DLGAP2: variants seen among roughly 807,000 people sequenced by gnomAD.
DLGAP2 encodes the protein DLG associated protein 2, also known as disks large-associated protein 2.
In DLGAP2, 26 loss-of-function variants were observed where a neutral mutation model predicts 100.3. That is an observed-to-expected ratio of 0.26 (90% CI 0.19 to 0.36). DLGAP2 has a LOEUF of 0.36. Among genes scored for constraint, DLGAP2 ranks in the 10% least tolerant of loss-of-function variants. DLGAP2 has a pLI of 1.00. For missense variants in DLGAP2, 1,858 were observed against 1,453.2 expected, an observed-to-expected ratio of 1.28 and a Z score of -4.53; for synonymous variants, 886 against 630.1, an observed-to-expected ratio of 1.41 and a Z score of -6.08.
intron 2 of DLGAP2, among the ~76,000 whole-genome samples, chr8:1,196,754 T>C (rs765946895): frequency 2.0e-5 from 3 of 152,206 alleles, no homozygotes; most frequent in Non-Finnish European, 4.4e-5. Flanking sequence ...TAGGAGCCTG[T>C]GCCTCCTGGC....
chr8:1,237,170 C>T (rs1235129882), intron 2 of DLGAP2, among the ~76,000 whole-genome samples: 17 of 133,168 alleles, frequency 1.3e-4, no homozygotes, highest in African/African-American at 5.8e-4. Context: ...GTGTCTAGTT[C>T]TCTCACATGG....
At chr8:1,430,052 A>T (rs568863065) in intron 3 of DLGAP2, among the ~76,000 whole-genome samples, 5 of 134,294 alleles carry the variant, frequency 3.7e-5, no homozygotes, top group African/African-American at 1.3e-4. Context: ...ATGAACTTAG[A>T]ATTCATTTTT....
At chr8:1,162,061 G>T (rs1216665210) in intron 2 of DLGAP2, among the ~76,000 whole-genome samples, 1 of 152,216 alleles carries the variant, frequency 6.6e-6, no homozygotes, top group Non-Finnish European at 1.5e-5. Context: ...GCCTGCGTTT[G>T]CAGCAGAAGT....
In DLGAP2 at chr8:1,705,046, C is replaced by A. The variant is rs1392802283; in HGVS notation, c.*3640C>A. ...TCTGTTTTTGTTAGATCCTTGTAAG[C>A]ATCGCTACCCGAGTCCAGGATGGAA... is the stretch of plus-strand genomic sequence containing the variant. On this transcript the variant is annotated 3_prime_UTR_variant, in exon 15 of 15. Coordinates refer to ENST00000637795, the MANE Select transcript of DLGAP2 (RefSeq NM_001346810.2). 1 of 152,274 alleles carries A rather than the reference C, an allele frequency of 6.6e-6. No homozygotes were observed. Among genetic ancestry groups the A allele is most frequent in the Non-Finnish European group, 1.5e-5 (1 of 68,056 alleles). The allele number at this position is 152,274 out of a possible 1,614,324, so 9.4% of individuals were successfully genotyped here.
intron 1 of DLGAP2, among the ~76,000 whole-genome samples, chr8:786,639 C>T (rs1012535490): frequency 9.9e-5 from 15 of 152,064 alleles, no homozygotes; most frequent in African/African-American, 3.1e-4. Context: ...GGCGCTGCCT[C>T]GGTGGTGCCT....
chr8:1,434,120 G>A (rs759852553), intron 3 of DLGAP2, among the ~76,000 whole-genome samples: 4 of 152,272 alleles, frequency 2.6e-5, no homozygotes, highest in South Asian at 2.1e-4. Context: ...GCATGGAGAC[G>A]TGGCCGCAGG....
At chr8:778,852 G>T (rs1229060496) in intron 1 of DLGAP2, among the ~76,000 whole-genome samples, 3 of 152,242 alleles carry the variant, frequency 2.0e-5, no homozygotes, top group African/African-American at 7.2e-5. Flanking sequence ...GCCTCCTTGA[G>T]CTGTGGTGGG....
intron 2 of DLGAP2, among the ~76,000 whole-genome samples, chr8:1,109,085 G>T (rs1298796640): frequency 7.9e-6 from 1 of 126,846 alleles, no homozygotes. Flanking sequence ...AGGTGTGCAC[G>T]GGTCTGTGAG....
intron 2 of DLGAP2, among the ~76,000 whole-genome samples, chr8:1,167,283 A>G (rs1797035241): frequency 6.6e-6 from 1 of 152,222 alleles, no homozygotes; most frequent in Non-Finnish European, 1.5e-5. Context: ...ACCCTCAACC[A>G]CAGCAACTTC....
At chr8:1,662,781 T>TGTGC (rs1798438341) in intron 8 of DLGAP2, among the ~76,000 whole-genome samples, 1 of 151,960 alleles carries the variant, frequency 6.6e-6, no homozygotes, top group African/African-American at 2.4e-5. Flanking sequence ...GTGGGGTGTG[T>TGTGC]GTGTACACAC....
intron 3 of DLGAP2, among the ~76,000 whole-genome samples, chr8:1,500,964 G>A (rs893192691): frequency 1.3e-5 from 2 of 152,158 alleles, no homozygotes; most frequent in Non-Finnish European, 2.9e-5. Flanking sequence ...CTTTCTCATG[G>A]GCGATGCAGG....
intron 2 of DLGAP2, among the ~76,000 whole-genome samples, chr8:1,069,339 C>T (rs59361544): frequency 0.032 from 4,893 of 152,160 alleles, 248 homozygotes; most frequent in African/African-American, 0.11. Flanking sequence ...ACCTGCGGCC[C>T]GTGGACAGGT....
At chr8:1,270,851 A>T (rs1300685666) in intron 3 of DLGAP2, among the ~76,000 whole-genome samples, 1 of 151,560 alleles carries the variant, frequency 6.6e-6, no homozygotes, top group Non-Finnish European at 1.5e-5. Context: ...TACAGAGTGA[A>T]ACCTCTGCTG....
intron 3 of DLGAP2, among the ~76,000 whole-genome samples, chr8:1,316,473 T>C (rs558323150): frequency 1.3e-4 from 17 of 129,250 alleles, no homozygotes; most frequent in Admixed American, 5.5e-4. Context: ...CTTTTAAAAA[T>C]AGAGCGTGTG....
At chr8:1,574,031 C>A (rs2130614766) in intron 6 of DLGAP2, among the ~76,000 whole-genome samples, 2 of 152,284 alleles carry the variant, frequency 1.3e-5, no homozygotes, top group South Asian at 4.1e-4. Context: ...CCTGCAGACT[C>A]ACATTTGCAT....
chr8:1,621,629 C>T (rs1797339939), intron 6 of DLGAP2: 1 of 152,144 alleles, frequency 6.6e-6, no homozygotes, highest in Non-Finnish European at 1.5e-5. Flanking sequence ...TGAGCAGGTG[C>T]TCCATAGACT....
intron 6 of DLGAP2, among the ~76,000 whole-genome samples, chr8:1,576,685 C>T (rs1044648313): frequency 3.3e-5 from 5 of 152,136 alleles, no homozygotes; most frequent in African/African-American, 1.2e-4. Context: ...CTACGTATGG[C>T]TAGCCAGTTT....
chr8:795,160 C>T (rs1795997730), intron 1 of DLGAP2, among the ~76,000 whole-genome samples: 1 of 152,200 alleles, frequency 6.6e-6, no homozygotes, highest in South Asian at 2.1e-4. Context: ...TGTGAAGTCA[C>T]CGTGAACACT....
intron 2 of DLGAP2, among the ~76,000 whole-genome samples, chr8:1,062,261 G>A (rs778646397): frequency 5.3e-5 from 8 of 152,166 alleles, no homozygotes; most frequent in Admixed American, 3.9e-4. Flanking sequence ...GCCATGCATC[G>A]CAGTCCTGTG....
Sources: gnomAD v4.1 joint callset for allele counts (sites outside exome capture counted in the v4.1 genomes callset) on GRCh38, gnomAD v4.1.1 for gene constraint, MANE v1.5 for transcripts, NCBI Gene and HGNC (gene_info 2026-07-23, HGNC 2026-07-21) for gene names.